KHDRBS2: variants seen among roughly 807,000 people sequenced by gnomAD.
KHDRBS2 encodes the protein KH RNA binding domain containing, signal transduction associated 2.
KHDRBS2 carries 26 observed loss-of-function variants against 44.3 expected under a neutral mutation model. That is an observed-to-expected ratio of 0.59 (90% CI 0.43 to 0.81). The LOEUF (loss-of-function observed/expected upper bound fraction) is 0.81. Ranked by LOEUF, KHDRBS2 falls within the 40% of genes least tolerant of loss-of-function variation. The pLI is 0.00. For missense variants in KHDRBS2, 476 were observed against 433.1 expected (o/e 1.10, Z -0.88); for synonymous variants, 194 against 151.1 (o/e 1.28, Z -2.08).
At position 62,097,107 on chromosome 6, in the gene KHDRBS2, GT is replaced by G. The variant is rs953035037; in HGVS notation, c.220-49114del. ...TAGAAAAGATACCTGATATAATTTT[GT>G]TTTTTTTTTTAATTGTTGAGACTTA... On this transcript the variant is annotated intron_variant, in intron 2 of 8. Transcript: ENST00000281156. Among the ~76,000 whole-genome samples, 198 of 142,286 alleles carry G rather than the reference GT, an allele frequency of 1.4e-3. 1 individual carries two copies. The highest frequency in any genetic ancestry group is 0.011 in the East Asian group (54 of 4,848). The allele number at this position is 142,286 out of a possible 152,430, so 93.3% of individuals were successfully genotyped here.
intron 6 of KHDRBS2, among the ~76,000 whole-genome samples, chr6:61,832,919 G>T (rs1402141962): frequency 1.3e-5 from 2 of 151,966 alleles, no homozygotes; most frequent in Non-Finnish European, 2.9e-5. Context: ...TATATTTAGG[G>T]TTCATACTTT....
At chr6:62,140,579 T>C (rs1351793227) in intron 2 of KHDRBS2, among the ~76,000 whole-genome samples, 3 of 152,216 alleles carry the variant, frequency 2.0e-5, no homozygotes, top group South Asian at 2.1e-4. Flanking sequence ...TTCTGAAATG[T>C]ACATATAATT....
chr6:62,189,077 T>G (rs529685906), intron 1 of KHDRBS2, among the ~76,000 whole-genome samples: 1 of 151,890 alleles, frequency 6.6e-6, no homozygotes, highest in Admixed American at 6.6e-5. Flanking sequence ...ATTGTGCCAC[T>G]GACCCCTCCA....
intron 4 of KHDRBS2, among the ~76,000 whole-genome samples, chr6:61,954,308 C>T (rs1218216047): frequency 4.0e-5 from 6 of 149,426 alleles, no homozygotes; most frequent in Non-Finnish European, 5.9e-5. Context: ...CATATATATA[C>T]ATATACATAC....
At chr6:61,583,917 A>T in the KHDRBS2 span, among the ~76,000 whole-genome samples, 1 of 151,436 alleles carries the variant, frequency 6.6e-6, no homozygotes, top group Non-Finnish European at 1.5e-5. Context: ...TAGCTATCTT[A>T]TGTATATATA....
chr6:61,685,952 T>C (rs1311116782), intron 8 of KHDRBS2, among the ~76,000 whole-genome samples: 1 of 151,786 alleles, frequency 6.6e-6, no homozygotes, highest in African/African-American at 2.4e-5. Flanking sequence ...TCAGGAAAAG[T>C]TGACATTATT....
At chr6:61,596,399 C>G in the KHDRBS2 span, among the ~76,000 whole-genome samples, 1 of 152,122 alleles carries the variant, frequency 6.6e-6, no homozygotes, top group Non-Finnish European at 1.5e-5. Flanking sequence ...TTTAAATTAG[C>G]TGTATTTACC....
intron 1 of KHDRBS2, among the ~76,000 whole-genome samples, chr6:62,225,983 T>C (rs1420526195): frequency 6.6e-6 from 1 of 152,198 alleles, no homozygotes; most frequent in Admixed American, 6.5e-5. Flanking sequence ...TTGTAAATAG[T>C]GTTGCAATAA....
intron 6 of KHDRBS2, among the ~76,000 whole-genome samples, chr6:61,893,758 G>A (rs1341858634): frequency 6.6e-6 from 1 of 152,134 alleles, no homozygotes; most frequent in African/African-American, 2.4e-5. Context: ...GTGGGGTGAG[G>A]GGAGCGGGGA....
At chr6:61,705,809 T>A (rs1157547081) in intron 7 of KHDRBS2, among the ~76,000 whole-genome samples, 1 of 151,738 alleles carries the variant, frequency 6.6e-6, no homozygotes, top group Non-Finnish European at 1.5e-5. Context: ...CCCTTTCAAT[T>A]TTTTCCTCCT....
At chr6:61,587,943 A>G in the KHDRBS2 span, among the ~76,000 whole-genome samples, 2 of 152,198 alleles carry the variant, frequency 1.3e-5, no homozygotes, top group African/African-American at 4.8e-5. Flanking sequence ...ATCTGTGCTT[A>G]AGAAACAGCA....
chr6:62,222,505 C>T (rs1250813703), intron 1 of KHDRBS2, among the ~76,000 whole-genome samples: 1 of 152,082 alleles, frequency 6.6e-6, no homozygotes, highest in African/African-American at 2.4e-5. Context: ...GCCATGAGAA[C>T]ACTATGATGG....
chr6:61,806,027 G>T (rs1562218683), intron 6 of KHDRBS2, among the ~76,000 whole-genome samples: 1 of 152,066 alleles, frequency 6.6e-6, no homozygotes, highest in Admixed American at 6.6e-5. Context: ...CAGAGTCTAT[G>T]GTCTATTCAC....
intron 1 of KHDRBS2, among the ~76,000 whole-genome samples, chr6:62,250,257 T>C (rs1836294272): frequency 6.6e-6 from 1 of 152,104 alleles, no homozygotes; most frequent in African/African-American, 2.4e-5. Flanking sequence ...CTTATCCACA[T>C]ACATAACATT....
intron 6 of KHDRBS2, among the ~76,000 whole-genome samples, chr6:61,834,069 CT>C (rs1185381676): frequency 6.6e-6 from 1 of 152,098 alleles, no homozygotes; most frequent in Non-Finnish European, 1.5e-5. Flanking sequence ...AATCATTTTA[CT>C]TCCACTTTCT....
Position 62,058,038 on chromosome 6 carries a change from T to C in KHDRBS2, c.220-10044A>G, listed in dbSNP as rs1376430523. 3.9e-5 allele frequency among the ~76,000 whole-genome samples: 6 copies of C among 151,976 alleles called. No individual in the cohort carries two copies. The East Asian group carries it at 9.7e-4, about 25-fold the overall frequency. On this transcript the variant is annotated intron_variant, in intron 2 of 8. Transcript: ENST00000281156. ...ATATATATTTTTAAATTCTTCATTA[T>C]TAACATTATTTCATTAATACATTAA...
At chr6:62,183,604 C>T (rs1395117132) in intron 1 of KHDRBS2, among the ~76,000 whole-genome samples, 3 of 151,668 alleles carry the variant, frequency 2.0e-5, no homozygotes, top group South Asian at 2.1e-4. Context: ...AATCCAGATA[C>T]ATTTAATTAT....
chr6:61,543,850 C>G, the KHDRBS2 span, among the ~76,000 whole-genome samples: 2 of 152,004 alleles, frequency 1.3e-5, no homozygotes, highest in African/African-American at 4.8e-5. Flanking sequence ...ATGCCAGGCA[C>G]AGAAACACAA....
At chr6:61,556,502 A>G in the KHDRBS2 span, among the ~76,000 whole-genome samples, 1 of 152,206 alleles carries the variant, frequency 6.6e-6, no homozygotes, top group Non-Finnish European at 1.5e-5. Flanking sequence ...CTTTGAAGTG[A>G]TAGGCTCACT....
Sources: gnomAD v4.1 joint callset for allele counts (sites outside exome capture counted in the v4.1 genomes callset) on GRCh38, gnomAD v4.1.1 for gene constraint, MANE v1.5 for transcripts, NCBI Gene and HGNC (gene_info 2026-07-23, HGNC 2026-07-21) for gene names.